ZNF174: variants seen among roughly 807,000 people sequenced by gnomAD.
ZNF174 encodes AW-1.
A neutral mutation model predicts 38.7 loss-of-function variants in ZNF174; 30 were observed. The observed-to-expected ratio is 0.78, with a 90% confidence interval of 0.58 to 1.05. The LOEUF is 1.05. Among genes scored for constraint, ZNF174 ranks in the 50% least tolerant of loss-of-function variants. The pLI, the probability that ZNF174 is intolerant of heterozygous loss-of-function variation, is 0.00. For synonymous variants in ZNF174, 201 were observed against 181.7 expected (o/e 1.11, Z -0.86); for missense variants, 499 against 495.6 (o/e 1.01, Z -0.06).
chr16:3,404,706 T>A, intron 2 of ZNF174, 58 bp downstream of exon 2: 1 of 1,603,898 alleles, frequency 6.2e-7, no homozygotes. Flanking sequence ...TCAATGTATC[T>A]CATGGTTCTG....
chr16:3,404,809 G>A, intron 2 of ZNF174, 161 bp downstream of exon 2: 1 of 1,546,664 alleles, frequency 6.5e-7, no homozygotes, highest in Non-Finnish European at 8.8e-7. Context: ...TTAGGATGGT[G>A]GTGATACTAC....
At chr16:3,402,448 CTTTTCTTTTTTT>C in intron 1 of ZNF174, 42 bp downstream of exon 1, 1 of 1,264,182 alleles carries the variant, frequency 7.9e-7, no homozygotes, top group Non-Finnish European at 1.0e-6. Context: ...ATTTCTTTTT[CTTTTCTTTTTTT>C]TTTTTTTTCT....
In ZNF174 at chr16:3,401,820, G is replaced by T. The variant is rs1265033551; in HGVS notation, c.-185G>T. On this transcript the variant is annotated 5_prime_UTR_variant, in exon 1 of 3. Transcript: ENST00000268655. ...AAAACTCTTCCCACTCCCAGGGACC[G>T]CGTTGTCTTGAGTTTGGCTAGTAAA... 1 of 669,184 alleles carries T rather than the reference G, an allele frequency of 1.5e-6. No individual in the cohort carries two copies. The allele number at this position is 669,184 out of a possible 1,614,324, so 41.5% of individuals were successfully genotyped here.
Position 3,404,533 on chromosome 16 carries a change from C to G in ZNF174, c.510C>G (p.Leu170=), listed in dbSNP as rs770671040. ...AACCGCAGACTCCTAGGAGAGATCTCAGGGAGAGCTCTCCAGCAGAGCCTT... is the reference window on the plus strand; with the variant it reads ...AACCGCAGACTCCTAGGAGAGATCTGAGGGAGAGCTCTCCAGCAGAGCCTT... ...DFQPQTPRRD[L]RESSPAEPSQ... Residue 170 remains leucine, a synonymous_variant, in exon 2 of 3, where the codon CTC becomes CTG. Transcript: ENST00000268655. 6.2e-7 allele frequency: 1 copy of G among 1,614,100 alleles called. No individual in the cohort carries two copies. The highest frequency in any genetic ancestry group is 1.3e-5 in the African/African-American group (1 of 74,934).
In ZNF174 at chr16:3,402,320, G is replaced by T; in HGVS notation, c.316G>T (p.Val106Phe). ...CCTGCCCCCGGAGATCCAGGCTCGGGTCAGGCATCGATGTCCAATGAGCAG... is the reference window on the plus strand; with the variant it reads ...CCTGCCCCCGGAGATCCAGGCTCGGTTCAGGCATCGATGTCCAATGAGCAG... The part of the protein sequence containing the change: ...TILPPEIQAR[V>F]RHRCPMSSKE... The change falls in exon 1 of 3, where the codon GTC (valine) becomes TTC (phenylalanine). Residue 106 changes from valine to phenylalanine, a missense_variant. Transcript: ENST00000268655. 1 of 1,614,114 alleles carries T rather than the reference G, an allele frequency of 6.2e-7. No individual in the cohort carries two copies. Among genetic ancestry groups the T allele is most frequent in the Non-Finnish European group, 8.5e-7 (1 of 1,180,022 alleles).
At chr16:3,404,985 T>G (rs781242658) in intron 2 of ZNF174, 9 of 1,614,134 alleles carry the variant, frequency 5.6e-6, no homozygotes, top group Non-Finnish European at 7.6e-6. Context: ...GTTTCATTGC[T>G]TAAAATGCTC....
Position 3,402,424 on chromosome 16 carries a change from CCAT to C in ZNF174, c.402+23_402+25del. ...AGCAGTGGGTAAGGAGGGTCCTCTCCCATCATCCTGGGGATTTCTTTTTCTTTT... is the reference window on the plus strand; with the variant it reads ...AGCAGTGGGTAAGGAGGGTCCTCTCCCATCCTGGGGATTTCTTTTTCTTTT... On this transcript the variant is annotated intron_variant, in intron 1 of 2. Transcript: ENST00000268655. 1.3e-6 allele frequency: 2 copies of C among 1,578,806 alleles called. No individual in the cohort carries two copies. Among genetic ancestry groups the C allele is most frequent in the Middle Eastern group, 1.7e-4 (1 of 5,952 alleles).
At position 3,402,337 on chromosome 16, in the gene ZNF174, A is replaced by T; in HGVS notation, c.333A>T (p.Pro111=). ...EIQARVRHRC[P]MSSKEIVTLV... ...AGGCTCGGGTCAGGCATCGATGTCC[A>T]ATGAGCAGCAAGGAGATTGTGACCC... The change falls in exon 1 of 3, where the codon CCA becomes CCT. Residue 111 remains proline (P), a synonymous_variant. Transcript: ENST00000268655. 6.2e-7 allele frequency: 1 copy of T among 1,614,058 alleles called. No homozygotes were observed. The highest frequency in any genetic ancestry group is 8.5e-7 in the Non-Finnish European group (1 of 1,179,982).
rs777931015 is a variant in ZNF174, at chr16:3,404,470, T to C, written c.447T>C (p.Thr149=). ...GGCAAAAGGTGCTCTTGGAGAAAAC[T>C]GGATCTCAGCTTGGAGAACAGGAAC... ...MQGQKVLLEK[T]GSQLGEQELP... Residue 149 remains threonine (T), a synonymous_variant, in exon 2 of 3, where the codon ACT becomes ACC. Coordinates refer to ENST00000268655, the MANE Select transcript of ZNF174 (RefSeq NM_003450.3). The C allele has an allele frequency of 6.2e-7, 1 of 1,611,226 alleles. No individual in the cohort carries two copies. Among genetic ancestry groups the C allele is most frequent in the Admixed American group, 1.7e-5 (1 of 59,892 alleles).
At position 3,409,050 on chromosome 16, in the gene ZNF174, A is replaced by G. The variant is rs1465043032; in HGVS notation, c.*131A>G. 1 of 1,057,588 alleles carries G rather than the reference A, an allele frequency of 9.5e-7. No homozygotes were observed. Among genetic ancestry groups the G allele is most frequent in the South Asian group, 1.5e-5 (1 of 64,712 alleles). The allele number at this position is 1,057,588 out of a possible 1,614,324, so 65.5% of individuals were successfully genotyped here. On this transcript the variant is annotated 3_prime_UTR_variant, in exon 3 of 3. Coordinates refer to ENST00000268655, the MANE Select transcript of ZNF174 (RefSeq NM_003450.3). Reference sequence around the variant, plus strand: ...AGGCCCTTGAGGAATGATGATGCACATTCTGCTGTGAGGAGGCCCAGAAAA... The same window carrying G: ...AGGCCCTTGAGGAATGATGATGCACGTTCTGCTGTGAGGAGGCCCAGAAAA...
rs141518055 is a variant in ZNF174, at chr16:3,404,541, G to C, written c.518G>C (p.Ser173Thr). 2.5e-4 allele frequency: 407 copies of C among 1,614,194 alleles called. No individual in the cohort carries two copies. The highest frequency in any genetic ancestry group is 6.6e-4 in the Middle Eastern group (4 of 6,062). ...PQTPRRDLRE[S>T]SPAEPSQAGA... ...ACTCCTAGGAGAGATCTCAGGGAGA[G>C]CTCTCCAGCAGAGCCTTCCCAGGCA... The change falls in exon 2 of 3, where the codon AGC becomes ACC. Residue 173 changes from serine to threonine, a missense_variant. By Grantham distance (58) the Ser-to-Thr change is moderately conservative. Coordinates refer to ENST00000268655, the MANE Select transcript of ZNF174 (RefSeq NM_003450.3).
chr16:3,407,694 T>C lies in ZNF174; in HGVS notation c.626-627T>C, dbSNP rs531824857. ...CTTCTCCAGATCCTGTGATTTCCCA[T>C]AGGCCGTTCCAGCTCATCTCCATCC... is the stretch of plus-strand genomic sequence containing the variant. On this transcript the variant is annotated intron_variant, in intron 2 of 2. Transcript: ENST00000268655. 8.5e-5 allele frequency among the ~76,000 whole-genome samples: 13 copies of C among 152,304 alleles called. No individual in the cohort carries two copies. In the East Asian group the frequency reaches 2.5e-3, roughly 29 times the overall value.
At chr16:3,402,450 TTTC>T (rs1199262041) in intron 1 of ZNF174, 44 bp downstream of exon 1, 2 of 1,457,114 alleles carry the variant, frequency 1.4e-6, no homozygotes, top group South Asian at 1.3e-5. Flanking sequence ...TTCTTTTTCT[TTTC>T]TTTTTTTTTT....
In ZNF174 at chr16:3,405,104, C is replaced by G. The variant is rs556033348; in HGVS notation, c.625+456C>G. 3.3e-4 allele frequency: 492 copies of G among 1,476,822 alleles called. 1 individual carries two copies. The Middle Eastern group carries it at 0.01, about 30-fold the overall frequency. 91.5% of individuals were successfully genotyped at this position (1,476,822 alleles called of 1,614,324 possible). On this transcript the variant is annotated intron_variant, in intron 2 of 2. Coordinates refer to ENST00000268655, the MANE Select transcript of ZNF174 (RefSeq NM_003450.3). ...TAGATCCTCAAATCTATTTCCCTTT[C>G]TCTGGTGTGATACTTGTGTAACTGC...
chr16:3,408,490 C>G lies in ZNF174; in HGVS notation c.795C>G (p.Ser265Arg), dbSNP rs1302857620. 6.2e-7 allele frequency: 1 copy of G among 1,614,000 alleles called. No individual in the cohort carries two copies. Among genetic ancestry groups the G allele is most frequent in the African/African-American group, 1.3e-5 (1 of 74,884 alleles). ...CTCGGTTGTCACGGAGGCAGGTCAG[C>G]TCCCCAAATGCTCAAAAGCCATTTG... ...SEPRLSRRQVSSPNAQKPFAH... is the reference protein window; with the variant it reads ...SEPRLSRRQVRSPNAQKPFAH... Residue 265 changes from serine (S) to arginine (R), a missense_variant, in exon 3 of 3, where the codon AGC becomes AGG. Transcript: ENST00000268655.
chr16:3,408,969 CT>C lies in ZNF174; in HGVS notation c.*51del. 1 of 1,495,226 alleles carries C rather than the reference CT, an allele frequency of 6.7e-7. No homozygotes were observed. The highest frequency in any genetic ancestry group is 1.4e-5 in the African/African-American group (1 of 71,556). The allele number at this position is 1,495,226 out of a possible 1,614,324, so 92.6% of individuals were successfully genotyped here. A position where few individuals can be genotyped will look rare whatever the true frequency, so the allele number is the denominator to read the frequency against. On this transcript the variant is annotated 3_prime_UTR_variant, in exon 3 of 3. Coordinates refer to ENST00000268655, the MANE Select transcript of ZNF174 (RefSeq NM_003450.3). The stretch of plus-strand genomic sequence containing the variant: ...CACACGGAAGGTGTTTGTGTTTCTC[CT>C]CCCCCTTACTTGCATGTAAATCACA...
chr16:3,408,465 C>A lies in ZNF174; in HGVS notation c.770C>A (p.Pro257His), dbSNP rs140637871. 5 of 1,614,112 alleles carry A rather than the reference C, an allele frequency of 3.1e-6. No homozygotes were observed. Among genetic ancestry groups the A allele is most frequent in the South Asian group, 2.2e-5 (2 of 91,078 alleles). The change falls in exon 3 of 3, where the codon CCT becomes CAT. Residue 257 changes from proline to histidine, a missense_variant. Physicochemically the swap from Pro to His is moderately conservative, Grantham distance 77. Coordinates refer to ENST00000268655, the MANE Select transcript of ZNF174 (RefSeq NM_003450.3). Reference protein sequence around the residue: ...PEPRGANMSEPRLSRRQVSSP... With the variant: ...PEPRGANMSEHRLSRRQVSSP... ...CCAAGAGGGGCAAATATGAGTGAAC[C>A]TCGGTTGTCACGGAGGCAGGTCAGC...
Position 3,402,196 on chromosome 16 carries a change from C to T in ZNF174, c.192C>T (p.Leu64=), listed in dbSNP as rs1387271925. The T allele has an allele frequency of 1.2e-6, 2 of 1,612,764 alleles. No homozygotes were observed. Among genetic ancestry groups the T allele is most frequent in the South Asian group, 2.2e-5 (2 of 91,034 alleles). The change falls in exon 1 of 3, where the codon CTC becomes CTT. Residue 64 remains leucine (L), a synonymous_variant. Coordinates refer to ENST00000268655, the MANE Select transcript of ZNF174 (RefSeq NM_003450.3). ...YQEVSGPQEA[L]SQLRQLCRQW... is the part of the protein sequence containing the mutation. ...AGGTGTCTGGACCCCAAGAGGCTCT[C>T]TCCCAGCTCCGACAGCTCTGCCGTC...
At chr16:3,402,529 G>C in intron 1 of ZNF174, 123 bp downstream of exon 1, 10 of 982,944 alleles carry the variant, frequency 1.0e-5, no homozygotes, top group Non-Finnish European at 1.4e-5. Context: ...CGCTATCTCG[G>C]CTCACTGCAA....
Sources: allele counts gnomAD v4.1 joint callset (sites outside exome capture counted in the v4.1 genomes callset), GRCh38; gene constraint gnomAD v4.1.1; transcripts MANE v1.5; gene names NCBI Gene and HGNC (gene_info 2026-07-23, HGNC 2026-07-21).